Variants in DPP10 observed in about 807,000 individuals in gnomAD.
DPP10 encodes the protein inactive dipeptidyl peptidase 10.
Under a neutral mutation model 120.9 loss-of-function variants are expected in DPP10, and 33 were observed. The observed-to-expected ratio is 0.27, with a 90% CI of 0.21 to 0.37. The LOEUF is 0.37. Among genes scored for constraint, DPP10 ranks in the 10% least tolerant of loss-of-function variants. The pLI is 1.00. For synonymous variants in DPP10, 337 were observed against 326.1 expected (o/e 1.03, Z -0.36); for missense variants, 816 against 942.8 (o/e 0.87, Z 1.76).
chr2:114,792,485 G>A (rs1048074350), intron 1 of DPP10, among the ~76,000 whole-genome samples: 4 of 152,204 alleles, frequency 2.6e-5, no homozygotes, highest in African/African-American at 9.7e-5. Context: ...AGTTAACACA[G>A]CAGGCCTGAG....
intron 4 of DPP10, among the ~76,000 whole-genome samples, chr2:115,521,725 A>G (rs183321461): frequency 6.6e-6 from 1 of 151,748 alleles, no homozygotes; most frequent in Non-Finnish European, 1.5e-5. Context: ...GCCTCTTACC[A>G]TCTCTCATGA....
chr2:115,603,226 CAA>C (rs929665105), intron 5 of DPP10, among the ~76,000 whole-genome samples: 2 of 151,048 alleles, frequency 1.3e-5, no homozygotes, highest in Non-Finnish European at 2.9e-5. Flanking sequence ...ATGTTTGAGT[CAA>C]AAATTCCATC....
At chr2:115,522,467 G>A (rs1050714250) in intron 4 of DPP10, among the ~76,000 whole-genome samples, 1 of 152,194 alleles carries the variant, frequency 6.6e-6, no homozygotes. Context: ...TCGCTTGAAT[G>A]GAATGATACG....
At chr2:114,563,139 C>G (rs943172388) in intron 1 of DPP10, among the ~76,000 whole-genome samples, 2 of 152,150 alleles carry the variant, frequency 1.3e-5, no homozygotes, top group African/African-American at 4.8e-5. Context: ...TTTGGGAGGC[C>G]AAGGCGGGCG....
At chr2:114,554,517 G>A (rs185294813) in intron 1 of DPP10, among the ~76,000 whole-genome samples, 5 of 152,318 alleles carry the variant, frequency 3.3e-5, no homozygotes, top group East Asian at 1.9e-4. Context: ...TAAACAGTCC[G>A]CGTGGGAGGA....
chr2:114,881,457 G>GTCTGTCTATCTATCTATCTATCTATCTA (rs140898800), intron 1 of DPP10, among the ~76,000 whole-genome samples: 3 of 144,214 alleles, frequency 2.1e-5, no homozygotes, highest in African/African-American at 7.9e-5. Flanking sequence ...CTGTCTGTCT[G>GTCTGTCTATCTATCTATCTATCTATCTA]TCTATCTATC....
At chr2:114,832,958 G>A (rs2106407817) in intron 1 of DPP10, among the ~76,000 whole-genome samples, 1 of 152,256 alleles carries the variant, frequency 6.6e-6, no homozygotes, top group Admixed American at 6.5e-5. Context: ...GCATCTGTGT[G>A]TATACAGAGA....
chr2:115,687,811 G>T (rs1198436578), intron 5 of DPP10, among the ~76,000 whole-genome samples: 1 of 152,070 alleles, frequency 6.6e-6, no homozygotes, highest in Non-Finnish European at 1.5e-5. Context: ...ATTATACACA[G>T]TTGTTAGGTC....
chr2:114,606,905 A>AAATTGTGAG (rs1233064088), intron 1 of DPP10, among the ~76,000 whole-genome samples: 1 of 152,178 alleles, frequency 6.6e-6, no homozygotes, highest in Non-Finnish European at 1.5e-5. Context: ...TATACTCTAT[A>AAATTGTGAG]AATTGTGAGA....
chr2:115,420,616 A>G (rs893045774), intron 3 of DPP10, among the ~76,000 whole-genome samples: 1 of 152,192 alleles, frequency 6.6e-6, no homozygotes, highest in Non-Finnish European at 1.5e-5. Flanking sequence ...TTAATCAAGA[A>G]TGAGGTAACC....
chr2:114,714,491 G>A (rs554502381), intron 1 of DPP10, among the ~76,000 whole-genome samples: 1 of 152,222 alleles, frequency 6.6e-6, no homozygotes, highest in South Asian at 2.1e-4. Context: ...AGACAAAAGA[G>A]TGAGTGATTC....
At chr2:114,503,821 C>G (rs950154899) in intron 1 of DPP10, among the ~76,000 whole-genome samples, 7 of 152,088 alleles carry the variant, frequency 4.6e-5, no homozygotes, top group Admixed American at 4.6e-4. Flanking sequence ...TGACTTTTGT[C>G]CCATAAAAAA....
chr2:115,473,626 T>C (rs1382447891), intron 3 of DPP10, among the ~76,000 whole-genome samples: 2 of 152,212 alleles, frequency 1.3e-5, no homozygotes, highest in East Asian at 3.9e-4. Flanking sequence ...CCAAAGCCTC[T>C]GTCTGGCTGG....
At chr2:115,656,892 G>T (rs2088406314) in intron 5 of DPP10, among the ~76,000 whole-genome samples, 1 of 151,504 alleles carries the variant, frequency 6.6e-6, no homozygotes, top group African/African-American at 2.4e-5. Context: ...CTATTATGAT[G>T]GTTGCCAGGG....
intron 1 of DPP10, among the ~76,000 whole-genome samples, chr2:114,725,900 A>C (rs899789870): frequency 6.6e-6 from 1 of 152,136 alleles, no homozygotes; most frequent in African/African-American, 2.4e-5. Context: ...TTAGAGACCC[A>C]ATGTGTAAGA....
chr2:114,769,233 G>C lies in DPP10; in HGVS notation c.60+326395G>C, dbSNP rs529815736. On this transcript the variant is annotated intron_variant, in intron 1 of 25. Transcript: ENST00000410059. Reference sequence around the variant, plus strand: ...GAATACTTGGCTTGGATTAGTGGCTGTTTTGCAGTGGATGTTGCTTGATAA... The same window carrying C: ...GAATACTTGGCTTGGATTAGTGGCTCTTTTGCAGTGGATGTTGCTTGATAA... Among the ~76,000 whole-genome samples, 7 of 152,288 alleles carry C rather than the reference G, an allele frequency of 4.6e-5. No individual in the cohort carries two copies. The South Asian group carries it at 1.2e-3, about 27-fold the overall frequency.
chr2:115,078,783 T>A (rs778438006), intron 1 of DPP10, among the ~76,000 whole-genome samples: 15 of 145,652 alleles, frequency 1.0e-4, no homozygotes, highest in Non-Finnish European at 1.6e-4. Context: ...TTCTTTGGTC[T>A]TCATATTAAA....
chr2:115,603,122 CTGTGTGTGTGTGTGTGTGTGTG>C (rs61161169), intron 5 of DPP10, among the ~76,000 whole-genome samples: 2 of 143,902 alleles, frequency 1.4e-5, no homozygotes, highest in African/African-American at 5.2e-5. Context: ...ATAAATAAAA[CTGTGTGTGTGTGTGTGTGTGTG>C]TGTGTGTGTG....
chr2:114,874,417 T>C (rs1317585452), intron 1 of DPP10, among the ~76,000 whole-genome samples: 1 of 152,034 alleles, frequency 6.6e-6, no homozygotes, highest in Non-Finnish European at 1.5e-5. Context: ...CATCCTATCT[T>C]GGTGAAGCAG....
Sources: allele counts gnomAD v4.1 joint callset (sites outside exome capture counted in the v4.1 genomes callset), GRCh38; gene constraint gnomAD v4.1.1; transcripts MANE v1.5; gene names NCBI Gene and HGNC (gene_info 2026-07-23, HGNC 2026-07-21).